The following ADH7 variants were observed in gnomAD, a reference collection of about 807,000 sequenced individuals.
ADH7 encodes the protein all-trans-retinol dehydrogenase [NAD(+)] ADH7.
A neutral mutation model predicts 34.4 loss-of-function variants in ADH7; 41 were observed. The ratio of observed to expected loss-of-function variants is 1.19; its 90% confidence interval spans 0.93 to 1.55. ADH7 has a LOEUF of 1.55. Ranked by LOEUF, ADH7 falls within the 40% of genes most tolerant of loss-of-function variation. ADH7 has a pLI of 0.00. For synonymous variants in ADH7, 180 were observed against 160.9 expected (o/e 1.12, Z -0.90); for missense variants, 540 against 461.2 (o/e 1.17, Z -1.56).
intron 5 of ADH7, among the ~76,000 whole-genome samples, chr4:99,427,126 G>C (rs780052341): frequency 6.6e-6 from 1 of 152,108 alleles, no homozygotes; most frequent in Non-Finnish European, 1.5e-5. Context: ...AATTTCATGT[G>C]ATTAACTTAA....
chr4:99,434,749 T>C (rs1484952591), intron 1 of ADH7, among the ~76,000 whole-genome samples: 2 of 152,180 alleles, frequency 1.3e-5, no homozygotes, highest in Non-Finnish European at 2.9e-5. Context: ...TGACACTTTC[T>C]TGGCCATTTT....
At chr4:99,419,545 G>T (rs994295047) in intron 6 of ADH7, among the ~76,000 whole-genome samples, 8 of 152,026 alleles carry the variant, frequency 5.3e-5, no homozygotes, top group African/African-American at 1.9e-4. Context: ...GGACAAAAGA[G>T]TCCCTTTTCT....
rs1339792827 is a variant in ADH7 at position 99,412,551 on chromosome 4, T to C, written c.*597A>G. On this transcript the variant is annotated 3_prime_UTR_variant, in exon 9 of 9. Coordinates refer to ENST00000437033, the MANE Select transcript of ADH7 (RefSeq NM_000673.7). Reference sequence around the variant, plus strand: ...AGCCTTGTGTACCCATATGATATACTTTTTCAGTTTCACCAAGTTATGTAA... The same window carrying C: ...AGCCTTGTGTACCCATATGATATACCTTTTCAGTTTCACCAAGTTATGTAA... 2.6e-5 allele frequency: 4 copies of C among 152,136 alleles called. No individual in the cohort carries two copies. Among genetic ancestry groups the C allele is most frequent in the Non-Finnish European group, 5.9e-5 (4 of 67,988 alleles). 9.4% of individuals were successfully genotyped at this position (152,136 alleles called of 1,614,324 possible).
intron 5 of ADH7, among the ~76,000 whole-genome samples, chr4:99,426,629 G>T (rs926945715): frequency 1.3e-5 from 2 of 152,142 alleles, no homozygotes; most frequent in Non-Finnish European, 2.9e-5. Context: ...TCTACAAGAG[G>T]TACAAGGAGG....
intron 3 of ADH7, 145 bp downstream of exon 3, chr4:99,428,347 A>G: frequency 8.0e-7 from 1 of 1,242,830 alleles, no homozygotes; most frequent in Non-Finnish European, 1.1e-6. Context: ...ATTAAACATT[A>G]CTCAGTAAAA....
At position 99,415,385 on chromosome 4, in the gene ADH7, A is replaced by G. The variant is rs191234487; in HGVS notation, c.1100+93T>C. The G allele has an allele frequency of 2.2e-3, 2,865 of 1,310,882 alleles. 4 individuals are homozygous for G. The highest frequency in any genetic ancestry group is 2.9e-3 in the Non-Finnish European group (2,657 of 923,938). 81.2% of individuals were successfully genotyped at this position (1,310,882 alleles called of 1,614,324 possible). A position where few individuals can be genotyped will look rare whatever the true frequency, so the allele number is the denominator to read the frequency against. On this transcript the variant is annotated intron_variant, in intron 8 of 8. Transcript: ENST00000437033. ...AATCTGGCTAGATTAAATAATTAGAAATAAAATATGAAGAAAACAGGCACA... is the reference window on the plus strand; with the variant it reads ...AATCTGGCTAGATTAAATAATTAGAGATAAAATATGAAGAAAACAGGCACA...
chr4:99,423,684 A>C (rs565368672), intron 5 of ADH7, among the ~76,000 whole-genome samples: 1 of 152,144 alleles, frequency 6.6e-6, no homozygotes, highest in South Asian at 2.1e-4. Context: ...TTCTTTTCAG[A>C]AGTGTCTGTT....
chr4:99,424,229 T>C (rs563035980), intron 5 of ADH7, among the ~76,000 whole-genome samples: 35 of 152,368 alleles, frequency 2.3e-4, no homozygotes, highest in Admixed American at 6.5e-4. Context: ...ATCTGTTCCA[T>C]TGATCTACAT....
intron 7 of ADH7, 112 bp downstream of exon 7, chr4:99,418,874 A>T: frequency 8.0e-7 from 1 of 1,245,804 alleles, no homozygotes; most frequent in Non-Finnish European, 1.1e-6. Flanking sequence ...TCCATTTTAG[A>T]TCACTTCATA....
At chr4:99,422,387 G>A (rs1164743526) in intron 5 of ADH7, among the ~76,000 whole-genome samples, 1 of 152,146 alleles carries the variant, frequency 6.6e-6, no homozygotes, top group Non-Finnish European at 1.5e-5. Context: ...ATCATTCTCA[G>A]CAAACTAACA....
At chr4:99,428,722 T>C (rs1179912176) in intron 2 of ADH7, 92 bp from the exon 3 acceptor site, 9 of 1,457,968 alleles carry the variant, frequency 6.2e-6, no homozygotes, top group Non-Finnish European at 7.4e-6. Flanking sequence ...ATTATAATTG[T>C]TTAATCAATA....
intron 5 of ADH7, among the ~76,000 whole-genome samples, chr4:99,421,249 T>C (rs1413850019): frequency 6.6e-6 from 1 of 152,120 alleles, no homozygotes; most frequent in African/African-American, 2.4e-5. Context: ...GCCTTCAAAC[T>C]ATACTACAAG....
chr4:99,413,334 C>T (rs748650276), intron 8 of ADH7, among the ~76,000 whole-genome samples, 162 bp from the exon 9 acceptor site: 15 of 152,264 alleles, frequency 9.9e-5, no homozygotes, highest in East Asian at 7.7e-4. Flanking sequence ...TTCTTTGTTA[C>T]GCAACTCTGA....
At chr4:99,430,170 G>A (rs1384723877) in intron 1 of ADH7, 1 of 152,428 alleles carries the variant, frequency 6.6e-6, no homozygotes, top group African/African-American at 2.4e-5. Context: ...TGAACATCAT[G>A]AAGCATACAG....
chr4:99,415,514 A>G lies in ADH7; in HGVS notation c.1064T>C (p.Ile355Thr). The change falls in exon 8 of 9, where the codon ATC (isoleucine) becomes ACC (threonine). Residue 355 changes from isoleucine to threonine, a missense_variant. Transcript: ENST00000437033. ...ATTGAGCAGCTCAAATCCTTCACTG[A>G]TTTTTTTAAATGGTAAAACATGAGT... ...LITHVLPFKK[I>T]SEGFELLNSG... 1 of 1,613,364 alleles carries G rather than the reference A, an allele frequency of 6.2e-7. No homozygotes were observed. Among genetic ancestry groups the G allele is most frequent in the Non-Finnish European group, 8.5e-7 (1 of 1,179,574 alleles).
At chr4:99,421,820 A>T (rs1721670674) in intron 5 of ADH7, among the ~76,000 whole-genome samples, 1 of 152,104 alleles carries the variant, frequency 6.6e-6, no homozygotes, top group Non-Finnish European at 1.5e-5. Flanking sequence ...AAAATGAAGA[A>T]CCCCATCCAA....
Position 99,422,986 on chromosome 4 carries a change from C to T in ADH7, c.565-2193G>A, listed in dbSNP as rs547099365. The stretch of plus-strand genomic sequence containing the variant: ...TGGTGTGCTGCACCCATTAACTTGT[C>T]ATTTAGCATTAGGTATATCTCCTAA... On this transcript the variant is annotated intron_variant, in intron 5 of 8. Coordinates refer to ENST00000437033, the MANE Select transcript of ADH7 (RefSeq NM_000673.7). Among the ~76,000 whole-genome samples, 757 of 141,530 alleles carry T rather than the reference C, an allele frequency of 5.3e-3. 6 individuals are homozygous for T. Among genetic ancestry groups the T allele is most frequent in the African/African-American group, 0.018 (681 of 38,778 alleles). 92.8% of individuals were successfully genotyped at this position (141,530 alleles called of 152,430 possible).
intron 1 of ADH7, chr4:99,432,772 C>T (rs559230512): frequency 1.3e-5 from 2 of 152,082 alleles, no homozygotes; most frequent in African/African-American, 2.4e-5. Context: ...TGTTTGTTCT[C>T]ACTCATAAAA....
Position 99,419,111 on chromosome 4 carries a change from A to G in ADH7, c.836T>C (p.Leu279Pro), listed in dbSNP as rs1453718784. 5 of 1,613,488 alleles carry G rather than the reference A, an allele frequency of 3.1e-6. No homozygotes were observed. The South Asian group carries it at 5.5e-5, about 18-fold the overall frequency. Residue 279 changes from leucine (L) to proline (P), a missense_variant, in exon 7 of 9, where the codon CTG becomes CCG. Physicochemically the swap from Leu to Pro is moderately conservative, Grantham distance 98. Transcript: ENST00000437033. ...CCCATAGTTCATGTGGCAGGATGCCAGGGCATCAATCTGAGTTTAAAACGG... is the reference window on the plus strand; with the variant it reads ...CCCATAGTTCATGTGGCAGGATGCCGGGGCATCAATCTGAGTTTAAAACGG... ...IGHLETMIDA[L>P]ASCHMNYGTS...
Sources: gnomAD v4.1 joint callset for allele counts (sites outside exome capture counted in the v4.1 genomes callset) on GRCh38, gnomAD v4.1.1 for gene constraint, MANE v1.5 for transcripts, NCBI Gene and HGNC (gene_info 2026-07-23, HGNC 2026-07-21) for gene names.